ZNF280D: variants seen among roughly 807,000 people sequenced by gnomAD.
ZNF280D encodes suppressor of hairy wing homolog 4.
Under a neutral mutation model 94.7 loss-of-function variants are expected in ZNF280D, and 39 were observed. The ratio of observed to expected loss-of-function variants is 0.41; its 90% confidence interval spans 0.32 to 0.54. The LOEUF (loss-of-function observed/expected upper bound fraction) is 0.54, where lower values mean the gene tolerates loss of function less well. Ranked by LOEUF, ZNF280D falls within the 20% of genes least tolerant of loss-of-function variation. The pLI, the probability that ZNF280D is intolerant of heterozygous loss-of-function variation, is 0.22. For missense variants in ZNF280D, 1,090 were observed against 1,149.3 expected, an observed-to-expected ratio of 0.95 and a Z score of 0.75; for synonymous variants, 398 against 377.6, an observed-to-expected ratio of 1.05 and a Z score of -0.63.
At chr15:56,730,062 G>A (rs925233105) in intron 1 of ZNF280D, 5 of 151,790 alleles carry the variant, frequency 3.3e-5, no homozygotes, top group Non-Finnish European at 4.4e-5. Flanking sequence ...ACATAATAAC[G>A]TAAAATGCAA....
At chr15:56,717,148 T>TC (rs1484864873) in intron 1 of ZNF280D, among the ~76,000 whole-genome samples, 5 of 152,120 alleles carry the variant, frequency 3.3e-5, no homozygotes, top group African/African-American at 1.2e-4. Flanking sequence ...TCACATGCTC[T>TC]CCCTGGTACC....
intron 1 of ZNF280D, among the ~76,000 whole-genome samples, chr15:56,724,353 C>T (rs1461235843): frequency 2.6e-5 from 4 of 152,166 alleles, no homozygotes; most frequent in Admixed American, 6.5e-5. Flanking sequence ...AAGCAGAGCT[C>T]GGTTAGGTTA....
chr15:56,669,963 T>A (rs79821289), intron 13 of ZNF280D, among the ~76,000 whole-genome samples: 15 of 1,344 alleles, frequency 0.011, 3 homozygotes, highest in South Asian at 0.042. Context: ...ATATATATAT[T>A]ATATATATAT....
chr15:56,672,657 G>C (rs1452358103), intron 13 of ZNF280D, among the ~76,000 whole-genome samples: 1 of 151,598 alleles, frequency 6.6e-6, no homozygotes, highest in Non-Finnish European at 1.5e-5. Flanking sequence ...GGTTTTTTTT[G>C]TGTGTGTTTG....
intron 14 of ZNF280D, 129 bp from the exon 15 acceptor site, chr15:56,667,115 T>A (rs2054346693): frequency 1.6e-6 from 1 of 626,420 alleles, no homozygotes; most frequent in East Asian, 2.9e-5. Context: ...ATCAGGTAAG[T>A]CTCCCATTTA....
intron 3 of ZNF280D, among the ~76,000 whole-genome samples, chr15:56,706,748 C>A (rs505106): frequency 6.6e-6 from 1 of 151,808 alleles, no homozygotes; most frequent in South Asian, 2.1e-4. Flanking sequence ...TGTTAATATA[C>A]CCAGGACATA....
intron 20 of ZNF280D, 133 bp from the exon 21 acceptor site, chr15:56,635,383 TAAATATA>T (rs2052304425): frequency 4.0e-6 from 1 of 251,630 alleles, no homozygotes; most frequent in East Asian, 8.0e-5. Flanking sequence ...AATAATTTAT[TAAATATA>T]AAATATAATT....
chr15:56,718,452 C>T lies in ZNF280D; in HGVS notation c.-85-11146G>A, dbSNP rs114275846. On this transcript the variant is annotated intron_variant, in intron 1 of 21. Coordinates refer to ENST00000267807, the MANE Select transcript of ZNF280D (RefSeq NM_017661.4). ...TCAAACACCTCAAATATTATAGCAT[C>T]ATGATAAATCAACTTTTTAGAATTT... Among the ~76,000 whole-genome samples the T allele has an allele frequency of 3.9e-3, 587 of 152,288 alleles. 5 individuals are homozygous for T. The highest frequency in any genetic ancestry group is 0.014 in the African/African-American group (571 of 41,554).
intron 21 of ZNF280D, 81 bp downstream of exon 21, chr15:56,635,114 C>T: frequency 2.5e-6 from 2 of 794,770 alleles, no homozygotes; most frequent in Non-Finnish European, 3.9e-6. Context: ...AGTCCTTTGC[C>T]AGTTAACTGT....
At chr15:56,692,827 T>A (rs1261930798) in intron 7 of ZNF280D, among the ~76,000 whole-genome samples, 3 of 152,150 alleles carry the variant, frequency 2.0e-5, no homozygotes, top group African/African-American at 7.2e-5. Context: ...CAGAAATTAT[T>A]TTAATATTTC....
Position 56,733,496 on chromosome 15 carries a change from A to C in ZNF280D, c.-124T>G, listed in dbSNP as rs983668331. ...GATCGGCCTGACTGGAGCCCTGAGG[A>C]GGAGGAGAAAGAGGAGGAGGAAAAG... On this transcript the variant is annotated 5_prime_UTR_variant, in exon 1 of 22. Transcript: ENST00000267807. 8.8e-7 allele frequency: 1 copy of C among 1,139,088 alleles called. No homozygotes were observed. Among genetic ancestry groups the C allele is most frequent in the Non-Finnish European group, 1.1e-6 (1 of 916,780 alleles). The allele number at this position is 1,139,088 out of a possible 1,614,324, so 70.6% of individuals were successfully genotyped here.
Position 56,733,438 on chromosome 15 carries a change from G to A in ZNF280D, c.-86+20C>T, listed in dbSNP as rs1329057733. 2 of 1,054,970 alleles carry A rather than the reference G, an allele frequency of 1.9e-6. No homozygotes were observed. The highest frequency in any genetic ancestry group is 1.7e-5 in the African/African-American group (1 of 57,502). 65.4% of individuals were successfully genotyped at this position (1,054,970 alleles called of 1,614,324 possible). On this transcript the variant is annotated intron_variant, in intron 1 of 21. Coordinates refer to ENST00000267807, the MANE Select transcript of ZNF280D (RefSeq NM_017661.4). ...CTGCCTGCTGCAGCGCAGGGCGGGC[G>A]GGGGCGGGGGGGCGCTTACCGTGAG...
At chr15:56,687,978 C>A (rs1458176909) in intron 9 of ZNF280D, among the ~76,000 whole-genome samples, 3 of 152,034 alleles carry the variant, frequency 2.0e-5, no homozygotes, top group African/African-American at 7.2e-5. Flanking sequence ...TACTTCTTTG[C>A]CATTGCACCC....
At chr15:56,675,366 C>T (rs887877222) in intron 13 of ZNF280D, among the ~76,000 whole-genome samples, 2 of 151,740 alleles carry the variant, frequency 1.3e-5, no homozygotes, top group African/African-American at 2.4e-5. Flanking sequence ...AGATGAAATA[C>T]GGGGTATCAA....
rs148429739 is a variant in ZNF280D, at chr15:56,700,613, G to A, written c.381+320C>T. 1.4e-4 allele frequency: 167 copies of A among 1,220,264 alleles called. 2 individuals carry two copies. In the South Asian group the frequency reaches 3.8e-3, roughly 28 times the overall value. 75.6% of individuals were successfully genotyped at this position (1,220,264 alleles called of 1,614,324 possible). ...TTCCCAATTAAGAATACCTGGTCCC[G>A]TCTGCAATCTTAAATATTTGTCATT... is the stretch of plus-strand genomic sequence containing the variant. On this transcript the variant is annotated intron_variant, in intron 6 of 21. Transcript: ENST00000267807.
At position 56,709,823 on chromosome 15, in the gene ZNF280D, A is replaced by G. The variant is rs887640489; in HGVS notation, c.-85-2517T>C. Among the ~76,000 whole-genome samples, 3 of 152,250 alleles carry G rather than the reference A, an allele frequency of 2.0e-5. No individual in the cohort carries two copies. In the East Asian group the frequency reaches 5.8e-4, roughly 29 times the overall value. Reference sequence around the variant, plus strand: ...AATTGAACAATGAGAACACTTGGACACAGGAAGGGGAACATCACACACCGG... The same window carrying G: ...AATTGAACAATGAGAACACTTGGACGCAGGAAGGGGAACATCACACACCGG... On this transcript the variant is annotated intron_variant, in intron 1 of 21. Coordinates refer to ENST00000267807, the MANE Select transcript of ZNF280D (RefSeq NM_017661.4).
intron 21 of ZNF280D, among the ~76,000 whole-genome samples, chr15:56,632,446 G>A (rs1339961795): frequency 6.7e-6 from 1 of 148,454 alleles, no homozygotes; most frequent in Non-Finnish European, 1.5e-5. Flanking sequence ...ACTTGTAAAA[G>A]TACCTAAAAT....
At chr15:56,711,722 A>T (rs902445456) in intron 1 of ZNF280D, among the ~76,000 whole-genome samples, 2 of 152,226 alleles carry the variant, frequency 1.3e-5, no homozygotes, top group Non-Finnish European at 2.9e-5. Flanking sequence ...ACGTGCTATC[A>T]GCTAAGCATT....
intron 19 of ZNF280D, among the ~76,000 whole-genome samples, chr15:56,647,086 T>C (rs900669540): frequency 9.9e-5 from 15 of 152,214 alleles, no homozygotes; most frequent in Non-Finnish European, 1.6e-4. Flanking sequence ...AAAGTGTTCA[T>C]GCTAAGAACT....
Sources: allele counts gnomAD v4.1 joint callset (sites outside exome capture counted in the v4.1 genomes callset), GRCh38; gene constraint gnomAD v4.1.1; transcripts MANE v1.5; gene names NCBI Gene and HGNC (gene_info 2026-07-23, HGNC 2026-07-21).